Variants in RNF2 observed in about 807,000 individuals in gnomAD.
RNF2 encodes the protein E3 ubiquitin-protein ligase RING2.
A neutral mutation model predicts 37.2 loss-of-function variants in RNF2; 6 were observed. That is an observed-to-expected ratio of 0.16 (90% CI 0.09 to 0.32). RNF2 has a LOEUF of 0.32. Among genes scored for constraint, RNF2 ranks in the 10% least tolerant of loss-of-function variants. The probability of loss-of-function intolerance (pLI) is 1.00; values close to 1 mark genes in which losing one functional copy is unlikely to be tolerated. For synonymous variants in RNF2, 133 were observed against 132.7 expected (o/e 1.00, Z -0.02); for missense variants, 251 against 404.0 (o/e 0.62, Z 3.25).
chr1:185,099,154 C>T (rs1405069321), intron 5 of RNF2, among the ~76,000 whole-genome samples: 3 of 151,076 alleles, frequency 2.0e-5, no homozygotes, highest in South Asian at 2.1e-4. Context: ...CGAGTTCAAG[C>T]GATTCTCCTG....
intron 4 of RNF2, among the ~76,000 whole-genome samples, chr1:185,096,461 C>T (rs567628624): frequency 6.6e-6 from 1 of 152,236 alleles, no homozygotes; most frequent in Non-Finnish European, 1.5e-5. Flanking sequence ...ATTTCTCCCT[C>T]CCCCCAGTTC....
intron 2 of RNF2, among the ~76,000 whole-genome samples, chr1:185,089,666 G>T (rs1306248846): frequency 6.6e-6 from 1 of 152,150 alleles, no homozygotes; most frequent in Non-Finnish European, 1.5e-5. Context: ...ATTCAGCTAT[G>T]CAGGGGAGCA....
chr1:185,072,716 G>C (rs1400341153), intron 1 of RNF2, among the ~76,000 whole-genome samples: 1 of 152,094 alleles, frequency 6.6e-6, no homozygotes. Context: ...TGAGGCGGGC[G>C]GATCATGAGG....
At position 185,076,268 on chromosome 1, in the gene RNF2, G is replaced by GTTTTTTTTTTTTTTTTTT; in HGVS notation, c.-2-11261_-2-11244dup. ...TTTTCTTCTAGATCTTTTATGGGTT[G>GTTTTTTTTTTTTTTTTTT]TTTTTTTTTTTTTTTTTTTTTTTTT... On this transcript the variant is annotated intron_variant, in intron 1 of 6. Coordinates refer to ENST00000367510, the MANE Select transcript of RNF2 (RefSeq NM_007212.4). Among the ~76,000 whole-genome samples, 47 of 27,346 alleles carry GTTTTTTTTTTTTTTTTTT rather than the reference G, an allele frequency of 1.7e-3. 19 individuals are homozygous for GTTTTTTTTTTTTTTTTTT. The highest frequency in any genetic ancestry group is 2.6e-3 in the Non-Finnish European group (34 of 13,184). 17.9% of individuals were successfully genotyped at this position (27,346 alleles called of 152,430 possible).
intron 1 of RNF2, among the ~76,000 whole-genome samples, chr1:185,080,256 T>G (rs1651307282): frequency 6.6e-6 from 1 of 152,224 alleles, no homozygotes; most frequent in Admixed American, 6.5e-5. Context: ...TTCATTGAAA[T>G]CACTTTTCAT....
chr1:185,086,146 T>G (rs142493493), intron 1 of RNF2, among the ~76,000 whole-genome samples: 1 of 152,350 alleles, frequency 6.6e-6, no homozygotes, highest in African/African-American at 2.4e-5. Flanking sequence ...AAAGCCTCCT[T>G]AACTCCTCAA....
chr1:185,091,527 G>C, intron 2 of RNF2, 52 bp from the exon 3 acceptor site: 1 of 1,558,090 alleles, frequency 6.4e-7, no homozygotes, highest in Non-Finnish European at 8.8e-7. Flanking sequence ...GTTTGAGCTT[G>C]TCCATAATAA....
chr1:185,079,364 C>T (rs890593712), intron 1 of RNF2, among the ~76,000 whole-genome samples: 4 of 152,104 alleles, frequency 2.6e-5, no homozygotes, highest in African/African-American at 9.7e-5. Context: ...AATGGAGTCA[C>T]TTATCCTAAG....
intron 4 of RNF2, among the ~76,000 whole-genome samples, chr1:185,095,195 CA>C (rs992036820): frequency 2.6e-4 from 40 of 152,282 alleles, no homozygotes; most frequent in Middle Eastern, 3.4e-3. Flanking sequence ...AATGGTTGTT[CA>C]GTTTAGCCTT....
chr1:185,047,066 AC>A (rs1194445265), intron 1 of RNF2, among the ~76,000 whole-genome samples: 1 of 152,194 alleles, frequency 6.6e-6, no homozygotes, highest in Non-Finnish European at 1.5e-5. Context: ...CTCTTAAACT[AC>A]TTTTTAGCAA....
intron 2 of RNF2, among the ~76,000 whole-genome samples, chr1:185,087,869 G>A (rs781717529): frequency 2.4e-4 from 37 of 152,220 alleles, no homozygotes; most frequent in Non-Finnish European, 4.7e-4. Flanking sequence ...TAAAACAGAT[G>A]TAGCACCAAC....
intron 1 of RNF2, among the ~76,000 whole-genome samples, chr1:185,083,016 A>G (rs190416462): frequency 7.9e-5 from 12 of 152,312 alleles, no homozygotes; most frequent in Admixed American, 3.9e-4. Context: ...CTGGCCATCT[A>G]TATTTATACA....
At chr1:185,071,175 G>T (rs2102172480) in intron 1 of RNF2, among the ~76,000 whole-genome samples, 1 of 152,252 alleles carries the variant, frequency 6.6e-6, no homozygotes, top group East Asian at 1.9e-4. Flanking sequence ...TGAAAAGAGG[G>T]AGTAGAGGAA....
At chr1:185,061,996 G>GA (rs1171341414) in intron 1 of RNF2, among the ~76,000 whole-genome samples, 4 of 152,208 alleles carry the variant, frequency 2.6e-5, no homozygotes, top group Non-Finnish European at 5.9e-5. Flanking sequence ...TTGTATAATA[G>GA]AAAATTTGTG....
At chr1:185,083,782 T>A (rs1227878004) in intron 1 of RNF2, among the ~76,000 whole-genome samples, 1 of 151,496 alleles carries the variant, frequency 6.6e-6, no homozygotes, top group African/African-American at 2.4e-5. Context: ...ACATTTTGTA[T>A]TTTTTGTAGA....
chr1:185,059,227 T>TA lies in RNF2; in HGVS notation c.-3+13578_-3+13579insA, dbSNP rs200996342. On this transcript the variant is annotated intron_variant, in intron 1 of 6. Transcript: ENST00000367510. ...GAAGTCTCCTGAATCCCAGTCTGGA[T>TA]TAAAAAAAAAAAACCTCCGTAATAG... is the stretch of plus-strand genomic sequence containing the variant. 8.4e-3 allele frequency among the ~76,000 whole-genome samples: 851 copies of TA among 101,570 alleles called. 30 individuals are homozygous for TA. In the East Asian group the frequency reaches 0.097, roughly 12 times the overall value. 66.6% of individuals were successfully genotyped at this position (101,570 alleles called of 152,430 possible).
chr1:185,093,019 T>TA, intron 3 of RNF2, 42 bp from the exon 4 acceptor site: 1 of 1,575,452 alleles, frequency 6.3e-7, no homozygotes, highest in South Asian at 1.1e-5. Context: ...AGCCCAAAGA[T>TA]ACTAGCATTG....
intron 4 of RNF2, among the ~76,000 whole-genome samples, chr1:185,095,507 AT>A (rs200353183): frequency 6.6e-6 from 1 of 151,884 alleles, no homozygotes; most frequent in Admixed American, 6.6e-5. Context: ...TCCCTGCCTC[AT>A]TTTTTTCCCA....
intron 1 of RNF2, among the ~76,000 whole-genome samples, chr1:185,080,889 T>C (rs964433592): frequency 3.3e-5 from 5 of 152,218 alleles, no homozygotes; most frequent in Non-Finnish European, 5.9e-5. Flanking sequence ...TAGCGTTCAG[T>C]AGGCAGAAGG....
Sources: allele counts gnomAD v4.1 joint callset (sites outside exome capture counted in the v4.1 genomes callset), GRCh38; gene constraint gnomAD v4.1.1; transcripts MANE v1.5; gene names NCBI Gene and HGNC (gene_info 2026-07-23, HGNC 2026-07-21).